Variants in ADAMTSL2 observed in about 807,000 individuals in gnomAD.
The protein encoded by ADAMTSL2 is ADAMTS like 2, also known as ADAMTS-like protein 2.
Under a neutral mutation model 117.0 loss-of-function variants are expected in ADAMTSL2, and 55 were observed. The observed-to-expected ratio is 0.47, with a 90% CI of 0.38 to 0.59. ADAMTSL2 has a LOEUF of 0.59. Among genes scored for constraint, ADAMTSL2 ranks in the 20% least tolerant of loss-of-function variants. The pLI, the probability that ADAMTSL2 is intolerant of heterozygous loss-of-function variation, is 0.00. For missense variants in ADAMTSL2, 1,182 were observed against 1,354.5 expected, an observed-to-expected ratio of 0.87 and a Z score of 2.00; for synonymous variants, 572 against 566.4, an observed-to-expected ratio of 1.01 and a Z score of -0.14.
At position 133,534,817 on chromosome 9, in the gene ADAMTSL2, G is replaced by A; in HGVS notation, c.-251G>A. ...AGAGGGAGGCCGGGCCGCAGCCTCTGCACTCACGCCGCCCCCGCACGCACA... is the reference window on the plus strand; with the variant it reads ...AGAGGGAGGCCGGGCCGCAGCCTCTACACTCACGCCGCCCCCGCACGCACA... On this transcript the variant is annotated 5_prime_UTR_variant, in exon 1 of 19. Transcript: ENST00000651351. 1 of 1,495,598 alleles carries A rather than the reference G, an allele frequency of 6.7e-7. No individual in the cohort carries two copies. The highest frequency in any genetic ancestry group is 8.9e-7 in the Non-Finnish European group (1 of 1,118,396). The allele number at this position is 1,495,598 out of a possible 1,614,324, so 92.6% of individuals were successfully genotyped here.
In ADAMTSL2 at chr9:133,555,922, C is replaced by A. The variant is rs7868941; in HGVS notation, c.1641C>A (p.His547Gln). 11 of 1,611,480 alleles carry A rather than the reference C, an allele frequency of 6.8e-6. No homozygotes were observed. Among genetic ancestry groups the A allele is most frequent in the Non-Finnish European group, 9.3e-6 (11 of 1,179,802 alleles). The change falls in exon 11 of 19, where the codon CAC (histidine) becomes CAA (glutamine). Residue 547 changes from histidine (H) to glutamine (Q), a missense_variant. This residue lies in a region of ADAMTSL2 where 345 missense variants were observed against 325.8 expected (regional missense o/e 1.06). Coordinates refer to ENST00000651351, the MANE Select transcript of ADAMTSL2 (RefSeq NM_014694.4). ...TCACCTCGGCCGGGAACAGGACTCA[C>A]AAGGCCAGGTAGGAGGCACTTTCCT... ...SLLTSAGNRT[H>Q]KARTRPKARK...
intron 8 of ADAMTSL2, among the ~76,000 whole-genome samples, chr9:133,546,126 G>A (rs570195798): frequency 1.1e-3 from 164 of 152,156 alleles, no homozygotes; most frequent in African/African-American, 3.3e-3. Flanking sequence ...TCCTCCCTGC[G>A]TCCCCAGCCC....
At position 133,554,347 on chromosome 9, in the gene ADAMTSL2, C is replaced by T. The variant is rs1295183165; in HGVS notation, c.940-10C>T. 1 of 1,542,628 alleles carries T rather than the reference C, an allele frequency of 6.5e-7. No individual in the cohort carries two copies. The highest frequency in any genetic ancestry group is 8.7e-7 in the Non-Finnish European group (1 of 1,148,462). ...AAGGAGGGGCTGGGGACCCACTTCT[C>T]TTTCCCTAGGTGTGGAACCAGAACG... On this transcript the variant is annotated splice_polypyrimidine_tract_variant and intron_variant, in intron 9 of 18. Coordinates refer to ENST00000651351, the MANE Select transcript of ADAMTSL2 (RefSeq NM_014694.4). The surrounding 1 kb of genome is among the most constrained non-coding windows in gnomAD (Gnocchi z 5.2).
chr9:133,537,855 G>A (rs1050748581), intron 3 of ADAMTSL2, among the ~76,000 whole-genome samples: 2 of 152,258 alleles, frequency 1.3e-5, no homozygotes, highest in African/African-American at 4.8e-5. Flanking sequence ...GAAGACCTGA[G>A]TGAGGGTCTT....
intron 9 of ADAMTSL2, among the ~76,000 whole-genome samples, chr9:133,547,643 G>A (rs530051371): frequency 1.4e-5 from 2 of 147,330 alleles, no homozygotes; most frequent in Admixed American, 1.4e-4. Context: ...CAGGGAGCTC[G>A]GGGCATTAAG....
chr9:133,540,560 C>A (rs768384316), intron 5 of ADAMTSL2, 38 bp from the exon 6 acceptor site: 1 of 1,610,530 alleles, frequency 6.2e-7, no homozygotes, highest in South Asian at 1.1e-5. Context: ...GCATTTCCTG[C>A]CCCGCTGAAA....
rs1407138199 is a variant in ADAMTSL2 at position 133,568,677 on chromosome 9, C to T, written c.2163C>T (p.Asp721=). ...GCTCGGAGGATGAGAAGCTGTGTGA[C>T]CCCAACACCAGGCCTGTAGGGGAGA... ...IRCSEDEKLC[D]PNTRPVGEKN... is the part of the protein sequence containing the mutation. Residue 721 remains aspartate, a synonymous_variant, in exon 15 of 19, where the codon GAC becomes GAT. Coordinates refer to ENST00000651351, the MANE Select transcript of ADAMTSL2 (RefSeq NM_014694.4). 9 of 1,613,342 alleles carry T rather than the reference C, an allele frequency of 5.6e-6. No homozygotes were observed. Among genetic ancestry groups the T allele is most frequent in the Admixed American group, 5.0e-5 (3 of 60,006 alleles).
rs113994122 is a variant in ADAMTSL2 at position 133,539,799 on chromosome 9, G to A, written c.338G>A (p.Arg113His). 2.6e-6 allele frequency: 4 copies of A among 1,543,088 alleles called. No individual in the cohort carries two copies. Among genetic ancestry groups the A allele is most frequent in the Admixed American group, 2.0e-5 (1 of 50,064 alleles). The part of the protein sequence containing the change: ...QECPPDGRSF[R>H]EEQCVSFNSH... ...TGTCCGCCGGACGGGAGGAGCTTCC[G>A]CGAGGAGCAGTGCGTCTCCTTCAAC... The change falls in exon 5 of 19, where the codon CGC (arginine) becomes CAC (histidine). Residue 113 changes from arginine (R) to histidine (H), a missense_variant. This residue lies in a region of ADAMTSL2 where 372 missense variants were observed against 463.4 expected (regional missense o/e 0.80). Coordinates refer to ENST00000651351, the MANE Select transcript of ADAMTSL2 (RefSeq NM_014694.4).
chr9:133,574,316 G>A (rs1198323092), intron 18 of ADAMTSL2, among the ~76,000 whole-genome samples: 2 of 152,224 alleles, frequency 1.3e-5, no homozygotes, highest in Non-Finnish European at 2.9e-5. Context: ...TGACTCAGCT[G>A]GAGCGGCCAG....
At chr9:133,560,155 T>A (rs2131151358) in intron 11 of ADAMTSL2, among the ~76,000 whole-genome samples, 1 of 152,210 alleles carries the variant, frequency 6.6e-6, no homozygotes, top group Non-Finnish European at 1.5e-5. Flanking sequence ...TGACTGAAGG[T>A]CCTGAAGAAG....
Position 133,569,399 on chromosome 9 carries a change from C to T in ADAMTSL2, c.2245-9C>T, listed in dbSNP as rs2131182746. On this transcript the variant is annotated splice_polypyrimidine_tract_variant and intron_variant, in intron 15 of 18. Transcript: ENST00000651351. The stretch of plus-strand genomic sequence containing the variant: ...ACTGGATGTCCCCTGCCTGTCCTCT[C>T]CCCTGCAGTGCAGTGGAAGCTGCGG... 6.2e-7 allele frequency: 1 copy of T among 1,613,098 alleles called. No individual in the cohort carries two copies. The highest frequency in any genetic ancestry group is 1.6e-4 in the Middle Eastern group (1 of 6,062).
chr9:133,538,382 C>G lies in ADAMTSL2; in HGVS notation c.267C>G (p.Thr89=), dbSNP rs1307914195. Reference sequence around the variant, plus strand: ...CCGTCCCGGGCCCCGGGAACAGGACCTGCACGGGCACGTCCAAGCGGTACC... The same window carrying G: ...CCGTCCCGGGCCCCGGGAACAGGACGTGCACGGGCACGTCCAAGCGGTACC... ...RKSVPGPGNR[T]CTGTSKRYQL... The change falls in exon 4 of 19, where the codon ACC becomes ACG. Residue 89 remains threonine (T), a synonymous_variant. Coordinates refer to ENST00000651351, the MANE Select transcript of ADAMTSL2 (RefSeq NM_014694.4). 6.2e-7 allele frequency: 1 copy of G among 1,613,342 alleles called. No individual in the cohort carries two copies. Among genetic ancestry groups the G allele is most frequent in the South Asian group, 1.1e-5 (1 of 91,090 alleles).
chr9:133,561,058 AG>A, intron 11 of ADAMTSL2, 139 bp from the exon 12 acceptor site: 2 of 746,656 alleles, frequency 2.7e-6, no homozygotes, highest in African/African-American at 1.7e-5. Context: ...TAGCAGGTGG[AG>A]GGTCGGCCCG....
chr9:133,543,571 A>G (rs1401387742), intron 7 of ADAMTSL2, among the ~76,000 whole-genome samples: 1 of 152,190 alleles, frequency 6.6e-6, no homozygotes, highest in African/African-American at 2.4e-5. Context: ...CAGGATCTCC[A>G]GGGACCTGTA....
At chr9:133,560,846 A>G (rs1830710358) in intron 11 of ADAMTSL2, among the ~76,000 whole-genome samples, 1 of 152,292 alleles carries the variant, frequency 6.6e-6, no homozygotes, top group Admixed American at 6.5e-5. Context: ...TGATGTGAGA[A>G]GGTAATATTG....
At chr9:133,533,070 C>T (rs1326331358), upstream of ADAMTSL2, among the ~76,000 whole-genome samples, 1 of 152,170 alleles carries the variant, frequency 6.6e-6, no homozygotes, top group Admixed American at 6.5e-5. Flanking sequence ...GGTGCGAGGC[C>T]TGGCGGTCAC....
intron 9 of ADAMTSL2, among the ~76,000 whole-genome samples, chr9:133,551,689 C>A (rs1161444840): frequency 6.6e-6 from 1 of 152,136 alleles, no homozygotes; most frequent in East Asian, 1.9e-4. Flanking sequence ...TCTTTCCCTA[C>A]CACAGATATC....
intron 4 of ADAMTSL2, among the ~76,000 whole-genome samples, chr9:133,539,568 C>T (rs1430100858): frequency 1.8e-5 from 2 of 110,650 alleles, no homozygotes; most frequent in South Asian, 3.2e-4. Context: ...GCGGAGCTGC[C>T]CTTTCCTGCG....
chr9:133,537,263 C>T (rs1222879732), intron 2 of ADAMTSL2, 142 bp from the exon 3 acceptor site: 6 of 924,922 alleles, frequency 6.5e-6, no homozygotes, highest in African/African-American at 3.4e-5. Flanking sequence ...CCCAAGCTGC[C>T]GAGTGACCCT....
Sources: gnomAD v4.1 joint callset for allele counts (sites outside exome capture counted in the v4.1 genomes callset) on GRCh38, gnomAD v4.1.1 for gene constraint, gnomAD v4.1.1 regional missense constraint, Gnocchi (gnomAD v3.1) non-coding constraint, MANE v1.5 for transcripts, NCBI Gene and HGNC (gene_info 2026-07-23, HGNC 2026-07-21) for gene names.